The following GALNTL6 variants were observed in gnomAD, a reference collection of about 807,000 sequenced individuals.
The protein encoded by GALNTL6 is polypeptide N-acetylgalactosaminyltransferase like 6.
In GALNTL6, 46 loss-of-function variants were observed where a neutral mutation model predicts 73.7. The ratio of observed to expected loss-of-function variants is 0.62; its 90% CI spans 0.49 to 0.80. The LOEUF is 0.80. Ranked by LOEUF, GALNTL6 falls within the 30% of genes least tolerant of loss-of-function variation. GALNTL6 has a pLI of 0.00. For missense variants in GALNTL6, 604 were observed against 755.0 expected (o/e 0.80, Z 2.34); for synonymous variants, 259 against 263.7 (o/e 0.98, Z 0.17).
Position 172,694,816 on chromosome 4 carries a change from A to G in GALNTL6, c.554-114545A>G, listed in dbSNP as rs112517970. On this transcript the variant is annotated intron_variant, in intron 5 of 12. Coordinates refer to ENST00000506823, the MANE Select transcript of GALNTL6 (RefSeq NM_001034845.3). ...GATAAAATATAACCATGGGCTTATT[A>G]AAGAAAATTATTTCTGCTTTTTAAA... Among the ~76,000 whole-genome samples, 650 of 152,340 alleles carry G rather than the reference A, an allele frequency of 4.3e-3. 6 individuals are homozygous for G. Among genetic ancestry groups the G allele is most frequent in the African/African-American group, 0.015 (623 of 41,586 alleles).
chr4:171,909,057 G>A (rs1419561971), intron 2 of GALNTL6, among the ~76,000 whole-genome samples: 1 of 150,986 alleles, frequency 6.6e-6, no homozygotes, highest in Non-Finnish European at 1.5e-5. Flanking sequence ...TGACGAGTTA[G>A]TGGGTGCAGC....
chr4:172,634,163 T>C (rs150759389), intron 5 of GALNTL6, among the ~76,000 whole-genome samples: 20 of 152,348 alleles, frequency 1.3e-4, no homozygotes, highest in Middle Eastern at 6.8e-3. Context: ...CTATTCTCTG[T>C]ATTTAGGACA....
At chr4:172,582,745 CAG>C (rs1304367100) in intron 5 of GALNTL6, among the ~76,000 whole-genome samples, 2 of 123,546 alleles carry the variant, frequency 1.6e-5, no homozygotes, top group African/African-American at 6.9e-5. Context: ...CACACACACA[CAG>C]ACACACACAC....
chr4:172,250,841 A>T (rs919213231), intron 3 of GALNTL6, among the ~76,000 whole-genome samples: 2 of 152,196 alleles, frequency 1.3e-5, no homozygotes, highest in Non-Finnish European at 2.9e-5. Flanking sequence ...TAAAAAACAG[A>T]GCAAGTTTTA....
At chr4:172,770,051 G>A (rs1738671342) in intron 5 of GALNTL6, among the ~76,000 whole-genome samples, 1 of 152,078 alleles carries the variant, frequency 6.6e-6, no homozygotes, top group Non-Finnish European at 1.5e-5. Context: ...GTCACCTGAG[G>A]TCAGGAGTTC....
At chr4:172,422,695 T>A (rs1378299935) in intron 5 of GALNTL6, among the ~76,000 whole-genome samples, 7 of 151,854 alleles carry the variant, frequency 4.6e-5, no homozygotes, top group Admixed American at 4.6e-4. Flanking sequence ...GTATTTGTCA[T>A]CTCCATTTAC....
intron 10 of GALNTL6, among the ~76,000 whole-genome samples, chr4:172,971,812 G>T (rs1750596448): frequency 6.6e-6 from 1 of 152,080 alleles, no homozygotes; most frequent in Admixed American, 6.5e-5. Flanking sequence ...TATGGGAAAA[G>T]ACCTTCTAGA....
At chr4:172,716,747 G>C (rs1735125931) in intron 5 of GALNTL6, among the ~76,000 whole-genome samples, 3 of 152,184 alleles carry the variant, frequency 2.0e-5, no homozygotes, top group African/African-American at 7.2e-5. Flanking sequence ...AATTTAAAAA[G>C]TGTACAAGTC....
intron 5 of GALNTL6, among the ~76,000 whole-genome samples, chr4:172,357,036 A>C (rs188008088): frequency 1.3e-5 from 2 of 152,228 alleles, no homozygotes; most frequent in East Asian, 3.9e-4. Context: ...TCATTTCACT[A>C]TGTGTATACC....
At chr4:172,310,497 C>T (rs1740316121) in intron 3 of GALNTL6, among the ~76,000 whole-genome samples, 1 of 152,146 alleles carries the variant, frequency 6.6e-6, no homozygotes, top group Non-Finnish European at 1.5e-5. Context: ...TCTCAAACTC[C>T]TGGCCTCAGG....
At chr4:172,435,453 A>C (rs938598877) in intron 5 of GALNTL6, among the ~76,000 whole-genome samples, 4 of 152,144 alleles carry the variant, frequency 2.6e-5, no homozygotes, top group Admixed American at 2.6e-4. Context: ...GCAGTCCTGA[A>C]ATAGGATCTG....
intron 5 of GALNTL6, among the ~76,000 whole-genome samples, chr4:172,671,278 A>G (rs1731965185): frequency 6.6e-6 from 1 of 152,178 alleles, no homozygotes; most frequent in Non-Finnish European, 1.5e-5. Flanking sequence ...CTTTCTATCC[A>G]TGAGCATGGA....
intron 7 of GALNTL6, among the ~76,000 whole-genome samples, chr4:172,864,839 A>G (rs1447877095): frequency 6.6e-6 from 1 of 152,160 alleles, no homozygotes; most frequent in African/African-American, 2.4e-5. Context: ...GTTTGTATAT[A>G]TGCCTCTTAT....
intron 2 of GALNTL6, among the ~76,000 whole-genome samples, chr4:171,925,362 A>T (rs1320518370): frequency 6.6e-6 from 1 of 152,192 alleles, no homozygotes; most frequent in Non-Finnish European, 1.5e-5. Flanking sequence ...AAGATAATTC[A>T]GTGATCCAGC....
chr4:172,477,401 T>C (rs1270348149), intron 5 of GALNTL6, among the ~76,000 whole-genome samples: 1 of 152,192 alleles, frequency 6.6e-6, no homozygotes, highest in Non-Finnish European at 1.5e-5. Flanking sequence ...TGATTATCTT[T>C]CTTGCGTTAT....
At chr4:171,849,646 AAAT>A (rs1417638671) in intron 2 of GALNTL6, among the ~76,000 whole-genome samples, 12 of 152,198 alleles carry the variant, frequency 7.9e-5, no homozygotes, top group African/African-American at 2.9e-4. Flanking sequence ...GAGAAATTAA[AAAT>A]AATAATTTAT....
At chr4:172,387,201 A>C (rs1323480471) in intron 5 of GALNTL6, among the ~76,000 whole-genome samples, 1 of 152,120 alleles carries the variant, frequency 6.6e-6, no homozygotes, top group East Asian at 1.9e-4. Flanking sequence ...GTGTACACAA[A>C]CATGTAATTC....
intron 2 of GALNTL6, among the ~76,000 whole-genome samples, chr4:172,043,532 A>G (rs1176824003): frequency 6.6e-6 from 1 of 152,130 alleles, no homozygotes; most frequent in Non-Finnish European, 1.5e-5. Flanking sequence ...ATATATGAAT[A>G]CATAATGATA....
At chr4:171,938,006 G>T (rs2111007583) in intron 2 of GALNTL6, among the ~76,000 whole-genome samples, 1 of 152,098 alleles carries the variant, frequency 6.6e-6, no homozygotes, top group East Asian at 1.9e-4. Flanking sequence ...GCCATGTGTT[G>T]TGTGTGTATA....
Sources: gnomAD v4.1 joint callset for allele counts (sites outside exome capture counted in the v4.1 genomes callset) on GRCh38, gnomAD v4.1.1 for gene constraint, MANE v1.5 for transcripts, NCBI Gene and HGNC (gene_info 2026-07-23, HGNC 2026-07-21) for gene names.